The following ZNF469 variants were observed in gnomAD, a reference collection of about 807,000 sequenced individuals.
ZNF469 encodes zinc finger protein 469.
A neutral mutation model predicts 1.0 loss-of-function variants in ZNF469; 1 was observed. The observed-to-expected ratio is 1.00, with a 90% CI of 0.35 to 4.73. The LOEUF (loss-of-function observed/expected upper bound fraction) is 4.73. ZNF469 is among the 30% of genes most tolerant of loss of function. The probability of loss-of-function intolerance (pLI) is 0.16; values close to 1 mark genes in which losing one functional copy is unlikely to be tolerated. For synonymous variants in ZNF469, 2,703 were observed against 2,363.4 expected (o/e 1.14, Z -4.17); for missense variants, 6,100 against 5,356.3 (o/e 1.14, Z -4.33).
the ZNF469 span, among the ~76,000 whole-genome samples, chr16:88,149,845 C>T: frequency 1.2e-4 from 18 of 152,288 alleles, no homozygotes; most frequent in Non-Finnish European, 2.5e-4. Flanking sequence ...ACTCCTTTGC[C>T]CCCAGTGAAC....
chr16:88,267,978 A>G, the ZNF469 span, among the ~76,000 whole-genome samples: 9 of 151,864 alleles, frequency 5.9e-5, no homozygotes, highest in East Asian at 1.6e-3. Flanking sequence ...CGATTTCTCC[A>G]CATTCTTACC....
At chr16:88,291,974 G>C in the ZNF469 span, among the ~76,000 whole-genome samples, 1 of 152,214 alleles carries the variant, frequency 6.6e-6, no homozygotes, top group African/African-American at 2.4e-5. Context: ...GGAAGGGGCT[G>C]GAGCCGAAGG....
At chr16:88,184,221 G>C in the ZNF469 span, among the ~76,000 whole-genome samples, 1 of 152,116 alleles carries the variant, frequency 6.6e-6, no homozygotes, top group Non-Finnish European at 1.5e-5. Flanking sequence ...TGCCAGGGAA[G>C]ACCGATCACC....
At chr16:88,422,794 G>C (rs1291650104) in intron 1 of ZNF469, among the ~76,000 whole-genome samples, 5 of 150,308 alleles carry the variant, frequency 3.3e-5, no homozygotes, top group African/African-American at 1.2e-4. Context: ...ATGGATGGAT[G>C]GGTGGATGGA....
In ZNF469 at chr16:88,438,089, G is replaced by A; in HGVS notation, c.10619G>A (p.Gly3540Asp). 2 of 1,550,428 alleles carry A rather than the reference G, an allele frequency of 1.3e-6. No homozygotes were observed. The highest frequency in any genetic ancestry group is 1.2e-5 in the South Asian group (1 of 84,066). Residue 3540 changes from glycine (G) to aspartate (D), a missense_variant, in exon 3 of 3, where the codon GGT becomes GAT. Transcript: ENST00000565624. ...PVDPVTHPIR[G>D]CELPSNHQEC... ...GACCCCGTGACCCACCCGATCAGAG[G>A]TTGTGAGCTGCCATCCAACCACCAG...
At chr16:88,398,169 C>T (rs1331095521) in intron 1 of ZNF469, among the ~76,000 whole-genome samples, 1 of 152,274 alleles carries the variant, frequency 6.6e-6, no homozygotes, top group Non-Finnish European at 1.5e-5. Flanking sequence ...TTGCAACGTG[C>T]AGCTCTTTAG....
chr16:88,193,009 GTGATGGTGGTGGTGGTGATGGTGGTGA>G, the ZNF469 span, among the ~76,000 whole-genome samples: 1 of 59,968 alleles, frequency 1.7e-5, no homozygotes, highest in African/African-American at 7.2e-5. Context: ...GGTGATGGTG[GTGATGGTGGTGGTGGTGATGGTGGTGA>G]TGGTGGTGGT....
the ZNF469 span, among the ~76,000 whole-genome samples, chr16:88,192,913 GTGATGGTGA>G: frequency 5.4e-5 from 8 of 149,300 alleles, no homozygotes; most frequent in South Asian, 1.7e-3. Flanking sequence ...GATGATGGAG[GTGATGGTGA>G]TGATGGTGAT....
At chr16:88,379,192 C>G (rs993160970), upstream of ZNF469, among the ~76,000 whole-genome samples, 1 of 152,178 alleles carries the variant, frequency 6.6e-6, no homozygotes, top group African/African-American at 2.4e-5. Flanking sequence ...CCTCGCCCCC[C>G]GAGGTTGATC....
the ZNF469 span, among the ~76,000 whole-genome samples, chr16:88,164,951 C>T: frequency 9.9e-4 from 151 of 152,314 alleles, 2 homozygotes; most frequent in Admixed American, 4.1e-3. Context: ...TGGTGTGCCC[C>T]GCCATGCCAC....
the ZNF469 span, among the ~76,000 whole-genome samples, chr16:88,199,552 C>T: frequency 3.3e-5 from 5 of 152,212 alleles, no homozygotes; most frequent in Non-Finnish European, 7.3e-5. Flanking sequence ...GCTCCCAGCC[C>T]GCTCTCCTCT....
the ZNF469 span, among the ~76,000 whole-genome samples, chr16:88,147,706 G>C: frequency 1 from 151,720 of 152,172 alleles, 75,637 homozygotes; most frequent in Middle Eastern, 1. Flanking sequence ...CAACCCTGGG[G>C]CATTCCAACA....
At chr16:88,402,433 G>C (rs1314814002) in intron 1 of ZNF469, among the ~76,000 whole-genome samples, 1 of 152,150 alleles carries the variant, frequency 6.6e-6, no homozygotes, top group Non-Finnish European at 1.5e-5. Context: ...GGAGTGCAGT[G>C]GGAGGGAGGA....
chr16:88,124,636 G>C, the ZNF469 span, among the ~76,000 whole-genome samples: 48 of 152,208 alleles, frequency 3.2e-4, no homozygotes, highest in Admixed American at 7.2e-4. Flanking sequence ...CCAGGCTGGA[G>C]TGCAATGGCA....
chr16:88,265,816 C>T, the ZNF469 span, among the ~76,000 whole-genome samples: 4 of 152,344 alleles, frequency 2.6e-5, no homozygotes, highest in Admixed American at 2.0e-4. Context: ...CCAGGGGATC[C>T]CCGCTGGCTT....
At chr16:88,359,248 C>T in the ZNF469 span, among the ~76,000 whole-genome samples, 1 of 147,992 alleles carries the variant, frequency 6.8e-6, no homozygotes, top group Non-Finnish European at 1.5e-5. Context: ...CTGAGCGTCC[C>T]GGGGGCTCGG....
rs113483623 is a variant in ZNF469 at position 88,428,439 on chromosome 16, C to A, written c.969C>A (p.Ala323=). 6 of 1,548,306 alleles carry A rather than the reference C, an allele frequency of 3.9e-6. No individual in the cohort carries two copies. The African/African-American group carries it at 5.5e-5, about 14-fold the overall frequency. ...WPEEAVGTGP[A]YPLPTQPAPS... ...AGGAGGCCGTGGGCACGGGCCCTGC[C>A]TACCCGCTGCCCACCCAGCCTGCGC... Residue 323 remains alanine, a synonymous_variant, in exon 3 of 3, where the codon GCC becomes GCA. Coordinates refer to ENST00000565624, the MANE Select transcript of ZNF469 (RefSeq NM_001367624.2).
chr16:88,186,610 C>A, the ZNF469 span, among the ~76,000 whole-genome samples: 1 of 152,152 alleles, frequency 6.6e-6, no homozygotes, highest in East Asian at 1.9e-4. Context: ...ACCTCAGTGT[C>A]GGGCGCGGGT....
At chr16:88,288,744 G>A in the ZNF469 span, among the ~76,000 whole-genome samples, 1 of 152,308 alleles carries the variant, frequency 6.6e-6, no homozygotes, top group Non-Finnish European at 1.5e-5. Context: ...CAAATCTCCT[G>A]ACTTCCAGGC....
Sources: gnomAD v4.1 joint callset for allele counts (sites outside exome capture counted in the v4.1 genomes callset) on GRCh38, gnomAD v4.1.1 for gene constraint, MANE v1.5 for transcripts, NCBI Gene and HGNC (gene_info 2026-07-23, HGNC 2026-07-21) for gene names.